SSUH2: variants seen among roughly 807,000 people sequenced by gnomAD.
SSUH2 encodes the protein ssu-2 homolog.
A neutral mutation model predicts 55.3 loss-of-function variants in SSUH2; 47 were observed. The observed-to-expected ratio is 0.85, with a 90% CI of 0.67 to 1.08. The LOEUF is 1.08. SSUH2 is among the 50% of genes least tolerant of loss of function. SSUH2 has a pLI of 0.00. For synonymous variants in SSUH2, 212 were observed against 191.5 expected (o/e 1.11, Z -0.89); for missense variants, 535 against 490.7 (o/e 1.09, Z -0.85).
intron 7 of SSUH2, among the ~76,000 whole-genome samples, chr3:8,653,309 T>G (rs1462439777): frequency 6.6e-6 from 1 of 152,218 alleles, no homozygotes; most frequent in Non-Finnish European, 1.5e-5. Flanking sequence ...AAAAGAAATA[T>G]CCTAATCCTT....
chr3:8,619,992 G>T lies in SSUH2; in HGVS notation c.1004C>A (p.Pro335His). 6.2e-7 allele frequency: 1 copy of T among 1,614,072 alleles called. No individual in the cohort carries two copies. The highest frequency in any genetic ancestry group is 1.1e-5 in the South Asian group (1 of 91,070). The change falls in exon 12 of 12, where the codon CCC (proline) becomes CAC (histidine). Residue 335 changes from proline (P) to histidine (H), a missense_variant. By Grantham distance (77) the Pro-to-His change is moderately conservative. Transcript: ENST00000544814. ...LQQRQTIELI[P>H]LTEVHYWYQG... ...GTACCAATAGTGAACTTCTGTGAGG[G>T]GGATCAGCTCAATGGTCTGGCGCTG...
At chr3:8,632,735 C>T (rs1699044860) in intron 4 of SSUH2, among the ~76,000 whole-genome samples, 1 of 152,216 alleles carries the variant, frequency 6.6e-6, no homozygotes, top group East Asian at 1.9e-4. Context: ...AAAGCTGCTC[C>T]TCTGCTCTGT....
chr3:8,664,810 A>G (rs75002132), intron 5 of SSUH2, among the ~76,000 whole-genome samples: 3,587 of 152,320 alleles, frequency 0.024, 141 homozygotes, highest in African/African-American at 0.081. Flanking sequence ...AAAGCAAATT[A>G]AGGCATACAG....
intron 11 of SSUH2, 192 bp downstream of exon 11, chr3:8,623,357 T>A: frequency 5.9e-6 from 3 of 511,220 alleles, no homozygotes; most frequent in Non-Finnish European, 1.1e-5. Context: ...CGGTCCTTCC[T>A]GCCTCTGCGT....
intron 1 of SSUH2, among the ~76,000 whole-genome samples, chr3:8,640,968 C>T (rs938748959): frequency 6.6e-6 from 1 of 152,192 alleles, no homozygotes; most frequent in Non-Finnish European, 1.5e-5. Context: ...CAAGACAGGG[C>T]CACACAGGGA....
At chr3:8,629,534 G>T in intron 7 of SSUH2, 130 bp downstream of exon 7, 2 of 753,660 alleles carry the variant, frequency 2.7e-6, no homozygotes, top group East Asian at 2.5e-5. Flanking sequence ...GGCCCAGAAA[G>T]GGAGGATGAC....
In SSUH2 at chr3:8,629,662, A is replaced by ACCAGTGGTTCACAGATGACTCC. The variant is rs1698361951; in HGVS notation, c.588+1_588+2insGGAGTCATCTGTGAACCACTGG. 1 of 1,613,956 alleles carries ACCAGTGGTTCACAGATGACTCC rather than the reference A, an allele frequency of 6.2e-7. No homozygotes were observed. Among genetic ancestry groups the ACCAGTGGTTCACAGATGACTCC allele is most frequent in the African/African-American group, 1.3e-5 (1 of 74,886 alleles). On this transcript the variant is annotated splice_donor_variant, in intron 7 of 11. Coordinates refer to ENST00000544814, the MANE Select transcript of SSUH2 (RefSeq NM_001256748.3). LOFTEE classifies it high-confidence loss of function. Reference sequence around the variant, plus strand: ...CTCACCAGTGGTTCACAGATGACTCACCGTGCCCGCCCCGTGGCAGCCGCT... The same window carrying ACCAGTGGTTCACAGATGACTCC: ...CTCACCAGTGGTTCACAGATGACTCACCAGTGGTTCACAGATGACTCCCCGTGCCCGCCCCGTGGCAGCCGCT...
At position 8,661,565 on chromosome 3, in the gene SSUH2, G is replaced by A. The variant is rs560662833; in HGVS notation, c.-396+2179C>T. Reference sequence around the variant, plus strand: ...TCAGCCTGCCTGTTTCATGGATGCTGACAGGAGGCGTGAGAGACTCCCGAA... The same window carrying A: ...TCAGCCTGCCTGTTTCATGGATGCTAACAGGAGGCGTGAGAGACTCCCGAA... On this transcript the variant is annotated intron_variant, in intron 6 of 18. Transcript: ENST00000317371. 3.9e-5 allele frequency among the ~76,000 whole-genome samples: 6 copies of A among 152,326 alleles called. No individual in the cohort carries two copies. In the East Asian group the frequency reaches 1.2e-3, roughly 29 times the overall value.
chr3:8,680,143 C>T (rs540927781), intron 1 of SSUH2, among the ~76,000 whole-genome samples: 58 of 152,276 alleles, frequency 3.8e-4, no homozygotes, highest in Admixed American at 1.7e-3. Context: ...GGACCCTGGC[C>T]GAGGCCGGTG....
intron 5 of SSUH2, among the ~76,000 whole-genome samples, chr3:8,670,180 G>C (rs62244200): frequency 0.16 from 24,980 of 151,950 alleles, 2,129 homozygotes; most frequent in Middle Eastern, 0.26. Flanking sequence ...GATACAACTG[G>C]CCCTGAGAGA....
intron 1 of SSUH2, among the ~76,000 whole-genome samples, chr3:8,639,261 G>T (rs1700435221): frequency 6.6e-6 from 1 of 152,150 alleles, no homozygotes; most frequent in South Asian, 2.1e-4. Context: ...CGTCCAGCTG[G>T]ACCACCCCGC....
At chr3:8,623,333 TCTC>T (rs1364070448) in intron 11 of SSUH2, 1 of 524,214 alleles carries the variant, frequency 1.9e-6, no homozygotes, top group African/African-American at 1.9e-5. Context: ...AATGCAAACT[TCTC>T]CTGCGACCCA....
At chr3:8,663,646 T>G (rs189374825) in intron 6 of SSUH2, 96 of 338,824 alleles carry the variant, frequency 2.8e-4, no homozygotes, top group African/African-American at 1.8e-3. Context: ...AGACCAGCAA[T>G]GTCCACCAGG....
At chr3:8,635,479 C>A in intron 2 of SSUH2, 98 bp from the exon 3 acceptor site, 1 of 948,988 alleles carries the variant, frequency 1.1e-6, no homozygotes. Context: ...TGAGAAAGAA[C>A]AGATGAAGAA....
intron 3 of SSUH2, among the ~76,000 whole-genome samples, chr3:8,673,652 G>C (rs115038864): frequency 2.6e-5 from 4 of 152,134 alleles, no homozygotes; most frequent in African/African-American, 9.7e-5. Flanking sequence ...GGCAAAAGGC[G>C]GAGAGGGCTC....
At chr3:8,659,885 G>T in intron 6 of SSUH2, 1 of 436,552 alleles carries the variant, frequency 2.3e-6, no homozygotes, top group South Asian at 1.7e-5. Flanking sequence ...TGGGTTCATG[G>T]GAATCTTTCC....
chr3:8,641,045 G>A (rs965596005), intron 1 of SSUH2, among the ~76,000 whole-genome samples: 2 of 152,166 alleles, frequency 1.3e-5, no homozygotes, highest in African/African-American at 4.8e-5. Flanking sequence ...CACACACCCT[G>A]TGCCATTTCC....
intron 4 of SSUH2, chr3:8,671,858 G>A (rs1462661687): frequency 6.9e-6 from 1 of 144,378 alleles, no homozygotes; most frequent in South Asian, 2.1e-4. Flanking sequence ...GGCGCCTCCC[G>A]CGATGCGGGG....
chr3:8,658,593 C>T (rs1446477974), intron 7 of SSUH2, among the ~76,000 whole-genome samples: 5 of 152,200 alleles, frequency 3.3e-5, no homozygotes, highest in Non-Finnish European at 2.9e-5. Flanking sequence ...TTTACACACT[C>T]GTTGGCCTGG....
Sources: gnomAD v4.1 joint callset for allele counts (sites outside exome capture counted in the v4.1 genomes callset) on GRCh38, gnomAD v4.1.1 for gene constraint, MANE v1.5 for transcripts, NCBI Gene and HGNC (gene_info 2026-07-23, HGNC 2026-07-21) for gene names.